The following TENM4 variants were observed in gnomAD, a reference collection of about 807,000 sequenced individuals.
TENM4 encodes the protein teneurin transmembrane protein 4.
In TENM4, 82 loss-of-function variants were observed where a neutral mutation model predicts 243.3. The ratio of observed to expected loss-of-function variants is 0.34; its 90% CI spans 0.28 to 0.40. The LOEUF is 0.40. TENM4 is among the 10% of genes least tolerant of loss of function. The pLI, the probability that TENM4 is intolerant of heterozygous loss-of-function variation, is 1.00. For missense variants in TENM4, 3,138 were observed against 3,673.3 expected, an observed-to-expected ratio of 0.85 and a Z score of 3.77; for synonymous variants, 1,412 against 1,456.3, an observed-to-expected ratio of 0.97 and a Z score of 0.69.
chr11:78,768,322 A>G lies in TENM4; in HGVS notation c.2539+2670T>C, dbSNP rs1198836925. Among the ~76,000 whole-genome samples the G allele has an allele frequency of 2.6e-5, 4 of 152,200 alleles. No individual in the cohort carries two copies. The East Asian group carries it at 7.7e-4, about 29-fold the overall frequency. On this transcript the variant is annotated intron_variant, in intron 18 of 33. Coordinates refer to ENST00000278550, the MANE Select transcript of TENM4 (RefSeq NM_001098816.3). The stretch of plus-strand genomic sequence containing the variant: ...CAATTTGGCCTTCCCAGCTGGTTCT[A>G]TTTCCAACCATGATGACCCACGGGA...
chr11:78,931,084 C>T (rs750703965), intron 6 of TENM4, among the ~76,000 whole-genome samples: 7 of 152,160 alleles, frequency 4.6e-5, no homozygotes, highest in South Asian at 2.1e-4. Context: ...AACTCTTCCC[C>T]GGCCTGTTAA....
chr11:79,168,981 A>T (rs1215719165), intron 3 of TENM4, among the ~76,000 whole-genome samples: 1 of 152,204 alleles, frequency 6.6e-6, no homozygotes, highest in African/African-American at 2.4e-5. Context: ...CATCTCAGAT[A>T]ACAATCAGCC....
At chr11:78,856,322 T>C (rs505093) in intron 10 of TENM4, 144 bp from the exon 11 acceptor site, 312,155 of 702,932 alleles carry the variant, frequency 0.44, 76,732 homozygotes, top group African/African-American at 0.8. Flanking sequence ...CTCCCCACCC[T>C]GGCCCTCCCC....
At chr11:79,217,145 G>T (rs1864066264) in intron 2 of TENM4, among the ~76,000 whole-genome samples, 1 of 152,128 alleles carries the variant, frequency 6.6e-6, no homozygotes. Context: ...CAAAATAAAG[G>T]TTTTTCCAAA....
chr11:78,978,907 AG>A (rs1418267432), intron 6 of TENM4, among the ~76,000 whole-genome samples: 2 of 151,976 alleles, frequency 1.3e-5, no homozygotes, highest in Admixed American at 6.5e-5. Context: ...TTGTGTACAA[AG>A]CTTCTCGGTG....
intron 6 of TENM4, among the ~76,000 whole-genome samples, chr11:79,018,306 C>T (rs1858831320): frequency 6.6e-6 from 1 of 152,148 alleles, no homozygotes; most frequent in African/African-American, 2.4e-5. Context: ...TATTATCTGG[C>T]TACCCTAACC....
At chr11:78,742,856 CA>C (rs1343776812) in intron 19 of TENM4, among the ~76,000 whole-genome samples, 1 of 152,120 alleles carries the variant, frequency 6.6e-6, no homozygotes, top group Admixed American at 6.5e-5. Context: ...AACTGTTGCT[CA>C]GGGAAAAGTT....
intron 12 of TENM4, among the ~76,000 whole-genome samples, chr11:78,843,355 C>T (rs1858306956): frequency 6.6e-6 from 1 of 151,986 alleles, no homozygotes; most frequent in East Asian, 1.9e-4. Context: ...GGTGTGGTGG[C>T]ACACATTTGC....
chr11:78,921,532 C>T (rs548072596), intron 6 of TENM4, among the ~76,000 whole-genome samples: 3 of 152,302 alleles, frequency 2.0e-5, no homozygotes, highest in South Asian at 4.1e-4. Context: ...CCTGACTGTT[C>T]GTATTTGCCG....
At chr11:78,709,274 T>C (rs967349369) in intron 26 of TENM4, among the ~76,000 whole-genome samples, 1 of 152,100 alleles carries the variant, frequency 6.6e-6, no homozygotes, top group Non-Finnish European at 1.5e-5. Flanking sequence ...CCGTCCTTCA[T>C]GCTTTTCTAT....
rs1855793688 is a variant in TENM4, at chr11:78,736,440, C to T, written c.2876+2011G>A. ...TGTTAAGGTGTGAAGTCTGGGATTTCAGCAAGTGTGTGTGTGTGTGTGTGT... is the reference window on the plus strand; with the variant it reads ...TGTTAAGGTGTGAAGTCTGGGATTTTAGCAAGTGTGTGTGTGTGTGTGTGT... On this transcript the variant is annotated intron_variant, in intron 20 of 33. Coordinates refer to ENST00000278550, the MANE Select transcript of TENM4 (RefSeq NM_001098816.3). Among the ~76,000 whole-genome samples the T allele has an allele frequency of 2.9e-5, 4 of 138,284 alleles. No homozygotes were observed. The South Asian group carries it at 7.5e-4, about 26-fold the overall frequency. 90.7% of individuals were successfully genotyped at this position (138,284 alleles called of 152,430 possible). A position where few individuals can be genotyped will look rare whatever the true frequency, so the allele number is the denominator to read the frequency against.
intron 14 of TENM4, among the ~76,000 whole-genome samples, chr11:78,807,601 C>T (rs1173223899): frequency 1.3e-5 from 2 of 152,152 alleles, no homozygotes; most frequent in African/African-American, 4.8e-5. Flanking sequence ...CTTTCTCTAC[C>T]AAAAAGTTGT....
intron 3 of TENM4, among the ~76,000 whole-genome samples, chr11:79,170,691 A>G (rs975419852): frequency 6.6e-6 from 1 of 152,282 alleles, no homozygotes; most frequent in Admixed American, 6.5e-5. Flanking sequence ...GAGGCATGGA[A>G]CAAGTCTTTC....
At chr11:78,709,966 C>T (rs1859359277) in intron 26 of TENM4, among the ~76,000 whole-genome samples, 1 of 152,124 alleles carries the variant, frequency 6.6e-6, no homozygotes, top group Non-Finnish European at 1.5e-5. Flanking sequence ...CTGGGCAGCA[C>T]CCAGTTTAGA....
intron 5 of TENM4, among the ~76,000 whole-genome samples, chr11:79,066,120 C>CTG (rs1860239159): frequency 6.6e-6 from 1 of 152,194 alleles, no homozygotes; most frequent in African/African-American, 2.4e-5. Flanking sequence ...CTTTACAGAA[C>CTG]TCTCTGGCGG....
At chr11:79,155,900 C>T (rs906482665) in intron 3 of TENM4, among the ~76,000 whole-genome samples, 11 of 151,836 alleles carry the variant, frequency 7.2e-5, no homozygotes, top group Admixed American at 2.0e-4. Context: ...GGTTCCTTGA[C>T]CCTCATTTCT....
chr11:79,054,431 T>C (rs1440394852), intron 6 of TENM4, among the ~76,000 whole-genome samples: 1 of 151,606 alleles, frequency 6.6e-6, no homozygotes, highest in African/African-American at 2.4e-5. Context: ...AATCATGGAG[T>C]TTTTGAGCTA....
chr11:78,858,549 A>T (rs564171778), intron 10 of TENM4, among the ~76,000 whole-genome samples: 106 of 152,198 alleles, frequency 7.0e-4, no homozygotes, highest in African/African-American at 2.5e-3. Context: ...GGCTGGGCTG[A>T]GGGTTGGGAA....
chr11:79,058,411 G>C (rs1357217621), intron 6 of TENM4, among the ~76,000 whole-genome samples: 2 of 152,040 alleles, frequency 1.3e-5, no homozygotes, highest in African/African-American at 2.4e-5. Flanking sequence ...CAGGTGTGGT[G>C]GTGGGCGCCT....
Sources: gnomAD v4.1 joint callset for allele counts (sites outside exome capture counted in the v4.1 genomes callset) on GRCh38, gnomAD v4.1.1 for gene constraint, MANE v1.5 for transcripts, NCBI Gene and HGNC (gene_info 2026-07-23, HGNC 2026-07-21) for gene names.